CACNA1C: variants seen among roughly 807,000 people sequenced by gnomAD.
CACNA1C encodes voltage-dependent L-type calcium channel subunit alpha-1C.
In CACNA1C, 30 loss-of-function variants were observed where a neutral mutation model predicts 229.0. The observed-to-expected ratio is 0.13, with a 90% confidence interval of 0.10 to 0.18. The LOEUF is 0.18. Ranked by LOEUF, CACNA1C falls within the 10% of genes least tolerant of loss-of-function variation. The probability of loss-of-function intolerance (pLI) is 1.00; values close to 1 mark genes in which losing one functional copy is unlikely to be tolerated. For synonymous variants in CACNA1C, 1,114 were observed against 1,132.5 expected (o/e 0.98, Z 0.33); for missense variants, 1,658 against 2,845.0 (o/e 0.58, Z 9.49).
At chr12:2,072,283 C>T (rs934180798) in intron 1 of CACNA1C, among the ~76,000 whole-genome samples, 1 of 152,086 alleles carries the variant, frequency 6.6e-6, no homozygotes, top group African/African-American at 2.4e-5. Flanking sequence ...ACTGCAACCT[C>T]CACGTTCCGG....
chr12:2,159,041 C>T (rs1027212137), intron 3 of CACNA1C, among the ~76,000 whole-genome samples: 1 of 151,622 alleles, frequency 6.6e-6, no homozygotes. Flanking sequence ...CAAGGGGCTA[C>T]ATAAGCATAT....
rs2052798215 is a variant in CACNA1C, at chr12:2,053,150, C to G, written c.-413C>G. On this transcript the variant is annotated 5_prime_UTR_variant, in exon 1 of 47. Transcript: ENST00000399655. The surrounding 1 kb of genome is among the most constrained non-coding windows in gnomAD (Gnocchi z 5.8). ...CGGGCAGGGGCCTCAGGAGGACTCGCTGGGAGTGGGCAGAGGCGCCTCGGC... is the reference window on the plus strand; with the variant it reads ...CGGGCAGGGGCCTCAGGAGGACTCGGTGGGAGTGGGCAGAGGCGCCTCGGC... 1 of 988,146 alleles carries G rather than the reference C, an allele frequency of 1.0e-6. No homozygotes were observed. The highest frequency in any genetic ancestry group is 6.1e-5 in the Admixed American group (1 of 16,296). The allele number at this position is 988,146 out of a possible 1,614,324, so 61.2% of individuals were successfully genotyped here.
chr12:2,116,880 A>G (rs552713145), intron 2 of CACNA1C, among the ~76,000 whole-genome samples: 15 of 152,322 alleles, frequency 9.8e-5, no homozygotes, highest in Admixed American at 7.2e-4. Flanking sequence ...GGCTTCATCG[A>G]TGAGTTTCTA....
chr12:2,545,862 C>G (rs2099880002), intron 9 of CACNA1C, among the ~76,000 whole-genome samples: 1 of 152,270 alleles, frequency 6.6e-6, no homozygotes, highest in South Asian at 2.1e-4. Context: ...TGGGAAAACT[C>G]TATCTGAACA....
intron 3 of CACNA1C, among the ~76,000 whole-genome samples, chr12:2,267,125 C>T (rs1192686296): frequency 2.0e-5 from 3 of 152,048 alleles, no homozygotes; most frequent in Admixed American, 6.5e-5. Flanking sequence ...GGGTATTGCC[C>T]GGCGCTGTGT....
At chr12:2,171,222 G>A (rs1045131552) in intron 3 of CACNA1C, among the ~76,000 whole-genome samples, 6 of 152,232 alleles carry the variant, frequency 3.9e-5, no homozygotes, top group African/African-American at 9.6e-5. Context: ...TGGCCAGAGT[G>A]AGAGGAGTGT....
rs564094960 is a variant in CACNA1C at position 2,274,133 on chromosome 12, C to T, written c.477+153703C>T. 1.2e-4 allele frequency among the ~76,000 whole-genome samples: 19 copies of T among 152,328 alleles called. No homozygotes were observed. In the South Asian group the frequency reaches 3.5e-3, roughly 28 times the overall value. The stretch of plus-strand genomic sequence containing the variant: ...CTAGAGCCTCGTGCCCTTATCTTCA[C>T]GGCCTCCTCGTTTATGGCAGCAAGT... On this transcript the variant is annotated intron_variant, in intron 3 of 46. Transcript: ENST00000399655.
intron 3 of CACNA1C, among the ~76,000 whole-genome samples, chr12:2,206,141 C>T (rs1471115114): frequency 2.0e-5 from 3 of 152,076 alleles, no homozygotes; most frequent in East Asian, 1.9e-4. Context: ...GGGATGGCTC[C>T]GCGTAAACCG....
In CACNA1C at chr12:2,504,185, T is replaced by G. The variant is rs1263337873; in HGVS notation, c.1114-657T>G. Among the ~76,000 whole-genome samples, 2 of 152,194 alleles carry G rather than the reference T, an allele frequency of 1.3e-5. No homozygotes were observed. Among genetic ancestry groups the G allele is most frequent in the African/African-American group, 4.8e-5 (2 of 41,454 alleles). On this transcript the variant is annotated intron_variant, in intron 7 of 46. Transcript: ENST00000399655. The surrounding 1 kb of genome is among the most constrained non-coding windows in gnomAD (Gnocchi z 6.8). ...TAGAAAACATTGGAGAAATGTTTCT[T>G]TTTCAGAAAATAAAACCACAGAGAG...
chr12:1,979,004 TAA>T (rs1301178369), intron 1 of CACNA1C, among the ~76,000 whole-genome samples: 3 of 152,202 alleles, frequency 2.0e-5, no homozygotes, highest in African/African-American at 7.2e-5. Flanking sequence ...AGCATTTGTG[TAA>T]AAGTCTTTGT....
At chr12:2,443,869 T>G (rs1464003040) in intron 3 of CACNA1C, among the ~76,000 whole-genome samples, 1 of 152,186 alleles carries the variant, frequency 6.6e-6, no homozygotes, top group African/African-American at 2.4e-5. Flanking sequence ...GTTTTTGTTT[T>G]TTGTTGTTTT....
intron 1 of CACNA1C, among the ~76,000 whole-genome samples, chr12:2,055,612 C>T (rs924341857): frequency 6.6e-6 from 1 of 152,138 alleles, no homozygotes; most frequent in South Asian, 2.1e-4. Flanking sequence ...CAGAGAGGTT[C>T]CTGAGAAAGG....
In CACNA1C at chr12:2,257,399, G is replaced by A. The variant is rs12309900; in HGVS notation, c.477+136969G>A. 9.2e-3 allele frequency among the ~76,000 whole-genome samples: 1,406 copies of A among 152,302 alleles called. 23 individuals are homozygous for A. The highest frequency in any genetic ancestry group is 0.032 in the African/African-American group (1,338 of 41,558). On this transcript the variant is annotated intron_variant, in intron 3 of 46. Coordinates refer to ENST00000399655, the MANE Select transcript of CACNA1C (RefSeq NM_000719.7). ...CGTGGAAGACAATTTTTCCATGGAG[G>A]ACCGAGAGGGGATGGTTTTGGGATG...
intron 9 of CACNA1C, among the ~76,000 whole-genome samples, chr12:2,521,594 T>A (rs1323439118): frequency 1.3e-5 from 2 of 152,226 alleles, no homozygotes; most frequent in Admixed American, 1.3e-4. Context: ...CAGAGGCTTC[T>A]TCATCTTCCC....
intron 3 of CACNA1C, among the ~76,000 whole-genome samples, chr12:2,189,092 CAAAAAAAAA>C (rs57559183): frequency 1.7e-4 from 6 of 34,402 alleles, no homozygotes; most frequent in African/African-American, 4.0e-4. Flanking sequence ...GACTCCGTCT[CAAAAAAAAA>C]AAAAAAAAAA....
intron 1 of CACNA1C, 148 bp from the exon 2 acceptor site, chr12:2,115,076 A>ACTCATGTTT: frequency 9.3e-6 from 6 of 647,738 alleles, no homozygotes; most frequent in Non-Finnish European, 1.6e-5. Flanking sequence ...AGCATCTCAC[A>ACTCATGTTT]CTCATGTTTC....
At chr12:2,323,200 T>G (rs908259253) in intron 3 of CACNA1C, among the ~76,000 whole-genome samples, 2 of 152,178 alleles carry the variant, frequency 1.3e-5, no homozygotes, top group African/African-American at 4.8e-5. Context: ...GCTTCCTCTA[T>G]CTCAATCTGG....
chr12:2,392,349 A>G (rs2098499033), intron 3 of CACNA1C, among the ~76,000 whole-genome samples: 1 of 152,058 alleles, frequency 6.6e-6, no homozygotes, highest in Admixed American at 6.5e-5. Flanking sequence ...TATTTTTTTG[A>G]AAGTTATGAG....
In CACNA1C at chr12:2,633,883, G is replaced by A. The variant is rs2091681784; in HGVS notation, c.3829-414G>A. Reference sequence around the variant, plus strand: ...ATTGAACCTGCCGTCGTCCTGTGGGGGAAAAAAAGTGGGAGCTTCTCCTCC... The same window carrying A: ...ATTGAACCTGCCGTCGTCCTGTGGGAGAAAAAAAGTGGGAGCTTCTCCTCC... On this transcript the variant is annotated intron_variant, in intron 29 of 46. Coordinates refer to ENST00000399655, the MANE Select transcript of CACNA1C (RefSeq NM_000719.7). This position sits in a 1 kb window ranked among gnomAD's most constrained non-coding sequence, Gnocchi z 5.8. Among the ~76,000 whole-genome samples, 1 of 151,986 alleles carries A rather than the reference G, an allele frequency of 6.6e-6. No homozygotes were observed. The highest frequency in any genetic ancestry group is 6.5e-5 in the Admixed American group (1 of 15,276).
Sources: gnomAD v4.1 joint callset for allele counts (sites outside exome capture counted in the v4.1 genomes callset) on GRCh38, gnomAD v4.1.1 for gene constraint, Gnocchi (gnomAD v3.1) non-coding constraint, MANE v1.5 for transcripts, NCBI Gene and HGNC (gene_info 2026-07-23, HGNC 2026-07-21) for gene names.